GUCY1A2: variants seen among roughly 807,000 people sequenced by gnomAD.
The protein encoded by GUCY1A2 is guanylate cyclase 1 soluble subunit alpha 2.
Under a neutral mutation model 63.5 loss-of-function variants are expected in GUCY1A2, and 27 were observed. The ratio of observed to expected loss-of-function variants is 0.43; its 90% CI spans 0.31 to 0.59. The LOEUF is 0.59. GUCY1A2 is among the 20% of genes least tolerant of loss of function. The pLI is 0.11. For missense variants in GUCY1A2, 768 were observed against 913.3 expected, an observed-to-expected ratio of 0.84 and a Z score of 2.05; for synonymous variants, 364 against 343.5, an observed-to-expected ratio of 1.06 and a Z score of -0.66.
rs934841342 is a variant in GUCY1A2 at position 106,677,906 on chromosome 11, CAGG to C, written c.*9640_*9642del. ...AGCCAGGTAATCATTTGGATTTTAG[CAGG>C]AGAATTTTTTTTAGACAGAATAAAA... On this transcript the variant is annotated 3_prime_UTR_variant, in exon 8 of 8. Transcript: ENST00000526355. 1 of 200,682 alleles carries C rather than the reference CAGG, an allele frequency of 5.0e-6. No homozygotes were observed. Among genetic ancestry groups the C allele is most frequent in the African/African-American group, 2.3e-5 (1 of 43,420 alleles). 12.4% of individuals were successfully genotyped at this position (200,682 alleles called of 1,614,324 possible).
intron 5 of GUCY1A2, among the ~76,000 whole-genome samples, chr11:106,779,751 T>C (rs1247752404): frequency 6.6e-6 from 1 of 152,194 alleles, no homozygotes; most frequent in Non-Finnish European, 1.5e-5. Flanking sequence ...ATTTTCTCCT[T>C]AGGAGTATGT....
At chr11:106,904,134 C>T (rs1565326658) in intron 4 of GUCY1A2, among the ~76,000 whole-genome samples, 1 of 151,972 alleles carries the variant, frequency 6.6e-6, no homozygotes, top group African/African-American at 2.4e-5. Flanking sequence ...TAATGTTTTA[C>T]AAAAAAATTT....
Position 106,915,867 on chromosome 11 carries a change from GAAC to G in GUCY1A2, c.1206+23590_1206+23592del, listed in dbSNP as rs1010823283. On this transcript the variant is annotated intron_variant, in intron 4 of 7. Coordinates refer to ENST00000526355, the MANE Select transcript of GUCY1A2 (RefSeq NM_000855.3). ...ACCCCTTAAGCCACTTTGGATTTAA[GAAC>G]AACTGAAAAACAGCCTTCTGGGACC... is the stretch of plus-strand genomic sequence containing the variant. 5.5e-5 allele frequency among the ~76,000 whole-genome samples: 8 copies of G among 144,364 alleles called. 2 individuals carry two copies. The highest frequency in any genetic ancestry group is 5.5e-4 in the Admixed American group (8 of 14,456). 94.7% of individuals were successfully genotyped at this position (144,364 alleles called of 152,430 possible).
intron 3 of GUCY1A2, among the ~76,000 whole-genome samples, chr11:106,944,215 C>CAAAAAAAAAAAAAAAAGAAA (rs1860792508): frequency 4.6e-5 from 1 of 21,576 alleles, no homozygotes; most frequent in Non-Finnish European, 7.7e-5. Context: ...ACCCTGTCTC[C>CAAAAAAAAAAAAAAAAGAAA]AAAAAAAAAA....
intron 5 of GUCY1A2, among the ~76,000 whole-genome samples, chr11:106,784,703 C>G (rs1354299579): frequency 6.6e-6 from 1 of 152,016 alleles, no homozygotes; most frequent in Non-Finnish European, 1.5e-5. Context: ...CTGTAAGTAA[C>G]CTTGTAGTCA....
At position 106,687,576 on chromosome 11, in the gene GUCY1A2, G is replaced by A; in HGVS notation, c.2172C>T (p.Thr724=). 1 of 1,613,746 alleles carries A rather than the reference G, an allele frequency of 6.2e-7. No homozygotes were observed. The highest frequency in any genetic ancestry group is 1.1e-5 in the South Asian group (1 of 91,086). Residue 724 remains threonine (T), a synonymous_variant, in exon 8 of 8, where the codon ACC becomes ACT. Coordinates refer to ENST00000526355, the MANE Select transcript of GUCY1A2 (RefSeq NM_000855.3). ...RIKKVSYNIG[T]MFLRETSL ...AGAGGCTTGTCTCCCGGAGGAACAT[G>A]GTGCCGATGTTGTAGGAAACCTTTT...
intron 6 of GUCY1A2, among the ~76,000 whole-genome samples, chr11:106,723,085 A>G (rs1863346783): frequency 6.6e-6 from 1 of 152,216 alleles, no homozygotes; most frequent in Non-Finnish European, 1.5e-5. Context: ...ATCTTAAAAC[A>G]CAGCAAGCTG....
At chr11:106,789,820 G>C (rs1459674595) in intron 5 of GUCY1A2, among the ~76,000 whole-genome samples, 1 of 152,180 alleles carries the variant, frequency 6.6e-6, no homozygotes, top group African/African-American at 2.4e-5. Context: ...ACCAGGCAGA[G>C]ACTTTTTCTC....
intron 7 of GUCY1A2, among the ~76,000 whole-genome samples, chr11:106,697,241 AT>A (rs1862736079): frequency 6.6e-6 from 1 of 152,240 alleles, no homozygotes; most frequent in Admixed American, 6.5e-5. Flanking sequence ...TGACTAATGC[AT>A]GAGAATCTTT....
At chr11:106,816,608 G>A (rs1032413982) in intron 4 of GUCY1A2, among the ~76,000 whole-genome samples, 1 of 150,558 alleles carries the variant, frequency 6.6e-6, no homozygotes, top group Non-Finnish European at 1.5e-5. Context: ...AACCATAAGA[G>A]AGGTAATCAA....
chr11:106,752,163 A>C (rs962729783), intron 6 of GUCY1A2, among the ~76,000 whole-genome samples: 4 of 152,176 alleles, frequency 2.6e-5, no homozygotes, highest in Non-Finnish European at 5.9e-5. Context: ...ACTTCTTAGG[A>C]TTTGAGCTGG....
At chr11:106,875,240 A>G (rs1018794924) in intron 4 of GUCY1A2, among the ~76,000 whole-genome samples, 1 of 152,148 alleles carries the variant, frequency 6.6e-6, no homozygotes, top group Non-Finnish European at 1.5e-5. Context: ...TTCTGCCAAG[A>G]TACAAAGTCA....
chr11:106,917,408 G>A (rs138494540), intron 4 of GUCY1A2, among the ~76,000 whole-genome samples: 4 of 145,518 alleles, frequency 2.7e-5, no homozygotes, highest in Non-Finnish European at 6.2e-5. Context: ...ATCAGGCAAT[G>A]CTCTTAGAAA....
chr11:106,689,858 GT>G (rs1862591861), intron 7 of GUCY1A2, among the ~76,000 whole-genome samples: 2 of 152,128 alleles, frequency 1.3e-5, no homozygotes, highest in South Asian at 4.1e-4. Flanking sequence ...AGCCGGGCAT[GT>G]TGGTGCGCCC....
chr11:106,806,276 G>C (rs1858683525), intron 5 of GUCY1A2, among the ~76,000 whole-genome samples: 1 of 152,150 alleles, frequency 6.6e-6, no homozygotes, highest in Non-Finnish European at 1.5e-5. Context: ...CTGATGCACT[G>C]AATATCTTTA....
chr11:106,750,518 A>G (rs1863864660), intron 6 of GUCY1A2, among the ~76,000 whole-genome samples: 1 of 152,120 alleles, frequency 6.6e-6, no homozygotes, highest in African/African-American at 2.4e-5. Context: ...GAGCTATTAC[A>G]AAGCTAAAAT....
intron 7 of GUCY1A2, among the ~76,000 whole-genome samples, chr11:106,694,441 G>A (rs1565259829): frequency 6.6e-6 from 1 of 152,086 alleles, no homozygotes; most frequent in African/African-American, 2.4e-5. Context: ...TAGCTACTAT[G>A]GTTCTGAGTA....
intron 3 of GUCY1A2, among the ~76,000 whole-genome samples, chr11:106,951,813 T>G (rs1008525061): frequency 6.6e-6 from 1 of 152,236 alleles, no homozygotes; most frequent in African/African-American, 2.4e-5. Context: ...TCTTTGCCCA[T>G]GCCAATGTCC....
At chr11:107,002,017 T>C (rs963385927) in intron 1 of GUCY1A2, among the ~76,000 whole-genome samples, 4 of 145,878 alleles carry the variant, frequency 2.7e-5, no homozygotes, top group African/African-American at 1.0e-4. Context: ...AGACTCTGTC[T>C]CAAAAAAAAA....
Sources: gnomAD v4.1 joint callset for allele counts (sites outside exome capture counted in the v4.1 genomes callset) on GRCh38, gnomAD v4.1.1 for gene constraint, MANE v1.5 for transcripts, NCBI Gene and HGNC (gene_info 2026-07-23, HGNC 2026-07-21) for gene names.